HECW1: variants seen among roughly 807,000 people sequenced by gnomAD.
HECW1 encodes HECT, C2 and WW domain containing E3 ubiquitin protein ligase 1.
In HECW1, 61 loss-of-function variants were observed where a neutral mutation model predicts 182.3. The ratio of observed to expected loss-of-function variants is 0.33; its 90% CI spans 0.27 to 0.41. HECW1 has a LOEUF of 0.41. Ranked by LOEUF, HECW1 falls within the 10% of genes least tolerant of loss-of-function variation. The pLI is 1.00. For synonymous variants in HECW1, 859 were observed against 832.6 expected (o/e 1.03, Z -0.55); for missense variants, 1,739 against 2,108.9 (o/e 0.82, Z 3.44).
intron 24 of HECW1, among the ~76,000 whole-genome samples, chr7:43,529,237 T>A (rs1423507010): frequency 6.6e-6 from 1 of 152,096 alleles, no homozygotes; most frequent in Non-Finnish European, 1.5e-5. Context: ...CACCTTGGAT[T>A]CTCTGTCTCC....
chr7:43,219,561 G>T (rs965630256), intron 2 of HECW1, among the ~76,000 whole-genome samples: 9 of 152,030 alleles, frequency 5.9e-5, no homozygotes, highest in African/African-American at 1.7e-4. Context: ...ACTCTAAGGG[G>T]GTGTGTGTGA....
At chr7:43,351,947 C>T (rs1814528676) in intron 5 of HECW1, among the ~76,000 whole-genome samples, 1 of 152,148 alleles carries the variant, frequency 6.6e-6, no homozygotes, top group Non-Finnish European at 1.5e-5. Context: ...AGAGTCCCAC[C>T]TTGAATCGTA....
At chr7:43,458,089 G>A (rs538542262) in intron 13 of HECW1, among the ~76,000 whole-genome samples, 32 of 152,290 alleles carry the variant, frequency 2.1e-4, no homozygotes, top group African/African-American at 7.0e-4. Flanking sequence ...ATCCATGGGA[G>A]AGTCCTTTCA....
At chr7:43,269,668 A>G (rs899174686) in intron 3 of HECW1, among the ~76,000 whole-genome samples, 3 of 152,170 alleles carry the variant, frequency 2.0e-5, no homozygotes, top group Non-Finnish European at 4.4e-5. Flanking sequence ...AATAACCAGG[A>G]AGTAGAAAAC....
chr7:43,157,307 T>A (rs1456251882), intron 2 of HECW1, among the ~76,000 whole-genome samples: 1 of 152,030 alleles, frequency 6.6e-6, no homozygotes, highest in African/African-American at 2.4e-5. Context: ...CTATCAAACA[T>A]CCAAAAAAAT....
intron 24 of HECW1, 55 bp downstream of exon 24, chr7:43,509,176 C>T: frequency 6.4e-7 from 1 of 1,561,022 alleles, no homozygotes; most frequent in Non-Finnish European, 8.8e-7. Context: ...CTTTCTTAGT[C>T]AGAATTCAGC....
chr7:43,122,252 C>T (rs1337788256), intron 2 of HECW1, among the ~76,000 whole-genome samples: 1 of 152,188 alleles, frequency 6.6e-6, no homozygotes, highest in Non-Finnish European at 1.5e-5. Context: ...TTTTCTGCAG[C>T]GTGAATCCTG....
At chr7:43,333,960 C>T (rs145760332) in intron 5 of HECW1, among the ~76,000 whole-genome samples, 4 of 152,338 alleles carry the variant, frequency 2.6e-5, no homozygotes, top group African/African-American at 9.6e-5. Flanking sequence ...AGCAACTCCT[C>T]CTCCCTCCAC....
intron 19 of HECW1, among the ~76,000 whole-genome samples, chr7:43,499,297 T>C (rs949257522): frequency 2.0e-5 from 3 of 151,678 alleles, no homozygotes; most frequent in Non-Finnish European, 4.4e-5. Context: ...AAATAAAAAA[T>C]TTTTTAAAGA....
chr7:43,331,952 G>A (rs1162428325), intron 5 of HECW1, among the ~76,000 whole-genome samples: 3 of 152,152 alleles, frequency 2.0e-5, no homozygotes, highest in Admixed American at 6.5e-5. Flanking sequence ...AGGATCCAGA[G>A]AACAGTTATG....
At chr7:43,379,183 A>G (rs75212656) in intron 6 of HECW1, among the ~76,000 whole-genome samples, 18,114 of 152,216 alleles carry the variant, frequency 0.12, 1,292 homozygotes, top group Middle Eastern at 0.29. Flanking sequence ...TTATGACCAC[A>G]GATCTCAAGC....
intron 6 of HECW1, among the ~76,000 whole-genome samples, chr7:43,376,685 TG>T (rs1285675886): frequency 1.3e-5 from 2 of 152,024 alleles, no homozygotes; most frequent in African/African-American, 4.8e-5. Context: ...GCTGACATGG[TG>T]AAACCCCATC....
At chr7:43,190,533 AC>A (rs1377660902) in intron 2 of HECW1, among the ~76,000 whole-genome samples, 3 of 152,240 alleles carry the variant, frequency 2.0e-5, no homozygotes, top group Non-Finnish European at 2.9e-5. Context: ...ATACATTGAT[AC>A]AGTGGAGCCA....
intron 3 of HECW1, among the ~76,000 whole-genome samples, chr7:43,259,752 T>C (rs1800971264): frequency 6.6e-6 from 1 of 152,114 alleles, no homozygotes; most frequent in Non-Finnish European, 1.5e-5. Context: ...GAATGGTTAA[T>C]AGAAATTATT....
chr7:43,378,557 C>T (rs1224893948), intron 6 of HECW1, among the ~76,000 whole-genome samples: 1 of 152,248 alleles, frequency 6.6e-6, no homozygotes, highest in Non-Finnish European at 1.5e-5. Flanking sequence ...GTAATTCTAG[C>T]ACTTTGGGAG....
rs2082283020 is a variant in HECW1, at chr7:43,564,430, G to A, written c.*2504G>A. The stretch of plus-strand genomic sequence containing the variant: ...TAATCTACCCATATACAAAAGGAAT[G>A]CAGTATCTCAGAAATTATATATAGA... On this transcript the variant is annotated 3_prime_UTR_variant, in exon 30 of 30. Transcript: ENST00000395891. 5.4e-6 allele frequency: 1 copy of A among 183,716 alleles called. No individual in the cohort carries two copies. Among genetic ancestry groups the A allele is most frequent in the East Asian group, 8.8e-5 (1 of 11,404 alleles). The allele number at this position is 183,716 out of a possible 1,614,324, so 11.4% of individuals were successfully genotyped here.
intron 2 of HECW1, among the ~76,000 whole-genome samples, chr7:43,197,670 G>A (rs1444349881): frequency 6.6e-6 from 1 of 152,168 alleles, no homozygotes; most frequent in Non-Finnish European, 1.5e-5. Context: ...GCAGGACTCT[G>A]CCCACTGGGA....
intron 2 of HECW1, among the ~76,000 whole-genome samples, chr7:43,152,787 A>AT (rs1300427804): frequency 6.6e-6 from 1 of 152,134 alleles, no homozygotes; most frequent in Non-Finnish European, 1.5e-5. Flanking sequence ...TCGGGTCTTC[A>AT]TATCTGTAGG....
chr7:43,426,701 G>T (rs1271557389), intron 8 of HECW1, among the ~76,000 whole-genome samples: 2 of 152,114 alleles, frequency 1.3e-5, no homozygotes, highest in Non-Finnish European at 2.9e-5. Flanking sequence ...AGGATTATCT[G>T]ATCCAAGAAA....
Sources: gnomAD v4.1 joint callset for allele counts (sites outside exome capture counted in the v4.1 genomes callset) on GRCh38, gnomAD v4.1.1 for gene constraint, MANE v1.5 for transcripts, NCBI Gene and HGNC (gene_info 2026-07-23, HGNC 2026-07-21) for gene names.